VTA1: variants seen among roughly 807,000 people sequenced by gnomAD.
The protein encoded by VTA1 is vesicle trafficking 1.
In VTA1, 24 loss-of-function variants were observed where a neutral mutation model predicts 36.9. That is an observed-to-expected ratio of 0.65 (90% CI 0.47 to 0.91). VTA1 has a LOEUF of 0.91. VTA1 is among the 40% of genes least tolerant of loss of function. The pLI, the probability that VTA1 is intolerant of heterozygous loss-of-function variation, is 0.00. For missense variants in VTA1, 393 were observed against 377.2 expected, an observed-to-expected ratio of 1.04 and a Z score of -0.35; for synonymous variants, 142 against 130.2, an observed-to-expected ratio of 1.09 and a Z score of -0.62.
At position 142,186,187 on chromosome 6, in the gene VTA1, A is replaced by G. The variant is rs117896516; in HGVS notation, c.412-3239A>G. On this transcript the variant is annotated intron_variant, in intron 4 of 7. Transcript: ENST00000367630. ...GGGTTAGCTGGGTGAGGAAGAAAAA[A>G]GACAATAGGCAAACAGGTTGTATGG... is the stretch of plus-strand genomic sequence containing the variant. 2.4e-4 allele frequency among the ~76,000 whole-genome samples: 37 copies of G among 152,186 alleles called. 1 individual carries two copies. The East Asian group carries it at 7.0e-3, about 29-fold the overall frequency.
chr6:142,213,935 A>G (rs780807214), intron 7 of VTA1, among the ~76,000 whole-genome samples: 9 of 152,118 alleles, frequency 5.9e-5, no homozygotes, highest in African/African-American at 1.7e-4. Flanking sequence ...GGCTGTGAAC[A>G]TTCAACTCCT....
rs1286928212 is a variant in VTA1 at position 142,224,324 on chromosome 6, T to C, written c.*5681T>C. On this transcript the variant is annotated 3_prime_UTR_variant, in exon 8 of 8. Transcript: ENST00000367630. ...CGGCTATGTTATTTGTATTGTGATA[T>C]AGGGGATATTCGGAGTCCTCTGAGA... 1 of 152,234 alleles carries C rather than the reference T, an allele frequency of 6.6e-6. No homozygotes were observed. 9.4% of individuals were successfully genotyped at this position (152,234 alleles called of 1,614,324 possible). A position where few individuals can be genotyped will look rare whatever the true frequency, so the allele number is the denominator to read the frequency against.
At chr6:142,159,173 A>G (rs1774727912) in intron 1 of VTA1, among the ~76,000 whole-genome samples, 1 of 152,000 alleles carries the variant, frequency 6.6e-6, no homozygotes, top group African/African-American at 2.4e-5. Context: ...CAGCCTAGGC[A>G]ACATGGTGAA....
chr6:142,187,766 A>AT (rs1554220187), intron 4 of VTA1, among the ~76,000 whole-genome samples: 11 of 151,250 alleles, frequency 7.3e-5, no homozygotes, highest in African/African-American at 2.2e-4. Flanking sequence ...TTAGGGGTTA[A>AT]TTTTTTTTTA....
intron 1 of VTA1, among the ~76,000 whole-genome samples, chr6:142,157,931 G>A (rs1316953646): frequency 1.4e-5 from 2 of 145,638 alleles, no homozygotes; most frequent in African/African-American, 2.5e-5. Flanking sequence ...ACAAGTCTTG[G>A]AGGAGCAATT....
chr6:142,177,477 T>C (rs968336138), intron 4 of VTA1, among the ~76,000 whole-genome samples: 2 of 148,006 alleles, frequency 1.4e-5, no homozygotes, highest in African/African-American at 5.3e-5. Context: ...GTGCCTAGCA[T>C]GTAAGTGCTT....
rs537070691 is a variant in VTA1 at position 142,223,214 on chromosome 6, C to T, written c.*4571C>T. The T allele has an allele frequency of 1.4e-3, 216 of 152,304 alleles. No individual in the cohort carries two copies. Among genetic ancestry groups the T allele is most frequent in the African/African-American group, 5.1e-3 (212 of 41,564 alleles). The allele number at this position is 152,304 out of a possible 1,614,324, so 9.4% of individuals were successfully genotyped here. On this transcript the variant is annotated 3_prime_UTR_variant, in exon 8 of 8. Transcript: ENST00000367630. ...GAACTTGAAAATCTGATTGCACCCTCAATATCTGGAATATACACTGATCTA... is the reference window on the plus strand; with the variant it reads ...GAACTTGAAAATCTGATTGCACCCTTAATATCTGGAATATACACTGATCTA...
At chr6:142,186,826 A>G (rs999235837) in intron 4 of VTA1, among the ~76,000 whole-genome samples, 3 of 149,960 alleles carry the variant, frequency 2.0e-5, no homozygotes, top group South Asian at 2.1e-4. Context: ...GAAGAGGTTA[A>G]AAAAAAAAGC....
intron 1 of VTA1, among the ~76,000 whole-genome samples, chr6:142,156,731 T>C (rs1778670313): frequency 6.6e-6 from 1 of 152,222 alleles, no homozygotes; most frequent in Non-Finnish European, 1.5e-5. Flanking sequence ...GAAAATTAAA[T>C]ACAGTATAGT....
At chr6:142,179,315 AT>A (rs890513312) in intron 4 of VTA1, among the ~76,000 whole-genome samples, 16 of 148,218 alleles carry the variant, frequency 1.1e-4, no homozygotes, top group Admixed American at 1.3e-4. Context: ...AGAGTTGGTC[AT>A]TTTTTTTTTA....
At chr6:142,160,195 G>A (rs1376952243) in intron 1 of VTA1, among the ~76,000 whole-genome samples, 8 of 152,070 alleles carry the variant, frequency 5.3e-5, no homozygotes, top group Non-Finnish European at 1.2e-4. Context: ...TTCAGGGTAG[G>A]TCTAAAGTAG....
chr6:142,212,531 G>C (rs940326151), intron 7 of VTA1, among the ~76,000 whole-genome samples: 1 of 152,172 alleles, frequency 6.6e-6, no homozygotes, highest in Admixed American at 6.5e-5. Flanking sequence ...GGATGAATGA[G>C]TGGATCACAG....
intron 1 of VTA1, among the ~76,000 whole-genome samples, chr6:142,158,652 T>C (rs1778711338): frequency 6.6e-6 from 1 of 152,194 alleles, no homozygotes; most frequent in Non-Finnish European, 1.5e-5. Context: ...TATGTTTGGG[T>C]TTAAGTCTTG....
chr6:142,201,341 C>T (rs577692891), intron 6 of VTA1, among the ~76,000 whole-genome samples: 5 of 151,936 alleles, frequency 3.3e-5, no homozygotes, highest in Admixed American at 6.6e-5. Context: ...GCACTTTTAT[C>T]AAAGGGAAAT....
At position 142,218,781 on chromosome 6, in the gene VTA1, AT is replaced by A; in HGVS notation, c.*143del. 9.8e-7 allele frequency: 1 copy of A among 1,015,440 alleles called. No homozygotes were observed. Among genetic ancestry groups the A allele is most frequent in the Non-Finnish European group, 1.4e-6 (1 of 738,200 alleles). The allele number at this position is 1,015,440 out of a possible 1,614,324, so 62.9% of individuals were successfully genotyped here. On this transcript the variant is annotated 3_prime_UTR_variant, in exon 8 of 8. Coordinates refer to ENST00000367630, the MANE Select transcript of VTA1 (RefSeq NM_016485.5). ...TGACAATGAAATCTGTGTGTATCAG[AT>A]TTTTATTGAAGCATTCATCAGCAGC... is the stretch of plus-strand genomic sequence containing the variant.
At chr6:142,147,476 G>C (rs1206891584) in intron 1 of VTA1, 77 bp downstream of exon 1, 15 of 1,416,674 alleles carry the variant, frequency 1.1e-5, no homozygotes, top group South Asian at 1.2e-5. Flanking sequence ...GAGGTTCTTG[G>C]GGCATGCCCC....
intron 7 of VTA1, among the ~76,000 whole-genome samples, chr6:142,214,888 C>T (rs1582908095): frequency 6.6e-6 from 1 of 152,206 alleles, no homozygotes; most frequent in South Asian, 2.1e-4. Context: ...TTTATAACCA[C>T]TGTCACTACC....
Position 142,218,779 on chromosome 6 carries a change from A to G in VTA1, c.*136A>G. ...TATGACAATGAAATCTGTGTGTATC[A>G]GATTTTTATTGAAGCATTCATCAGC... On this transcript the variant is annotated 3_prime_UTR_variant, in exon 8 of 8. Coordinates refer to ENST00000367630, the MANE Select transcript of VTA1 (RefSeq NM_016485.5). The G allele has an allele frequency of 9.6e-7, 1 of 1,043,992 alleles. No individual in the cohort carries two copies. The highest frequency in any genetic ancestry group is 1.3e-6 in the Non-Finnish European group (1 of 762,644). The allele number at this position is 1,043,992 out of a possible 1,614,324, so 64.7% of individuals were successfully genotyped here.
chr6:142,186,112 T>C (rs1180967314), intron 4 of VTA1, among the ~76,000 whole-genome samples: 2 of 152,134 alleles, frequency 1.3e-5, no homozygotes, highest in African/African-American at 4.8e-5. Flanking sequence ...AAAACCTTTC[T>C]GAGGAAGTGG....
Sources: gnomAD v4.1 joint callset for allele counts (sites outside exome capture counted in the v4.1 genomes callset) on GRCh38, gnomAD v4.1.1 for gene constraint, MANE v1.5 for transcripts, NCBI Gene and HGNC (gene_info 2026-07-23, HGNC 2026-07-21) for gene names.